DNAH7: variants seen among roughly 807,000 people sequenced by gnomAD.
DNAH7 encodes the protein dynein axonemal heavy chain 7.
In DNAH7, 397 loss-of-function variants were observed where a neutral mutation model predicts 444.6. The observed-to-expected ratio is 0.89, with a 90% confidence interval of 0.82 to 0.97. The LOEUF is 0.97. DNAH7 is among the 50% of genes least tolerant of loss of function. The pLI is 0.00. For missense variants in DNAH7, 4,902 were observed against 4,800.8 expected (o/e 1.02, Z -0.62); for synonymous variants, 1,636 against 1,624.4 (o/e 1.01, Z -0.17).
chr2:196,011,044 C>T (rs975367189), intron 10 of DNAH7, among the ~76,000 whole-genome samples: 8 of 151,958 alleles, frequency 5.3e-5, no homozygotes, highest in African/African-American at 1.2e-4. Flanking sequence ...TTGGTTAATA[C>T]GCACAAAAAT....
At chr2:195,754,601 G>C (rs1693980714) in intron 62 of DNAH7, 87 bp from the exon 63 acceptor site, 12 of 1,389,958 alleles carry the variant, frequency 8.6e-6, no homozygotes, top group Non-Finnish European at 1.2e-5. Flanking sequence ...GGTTGCCCAG[G>C]CAGGGCTCAG....
At chr2:195,894,811 C>A in intron 30 of DNAH7, 165 bp downstream of exon 30, 1 of 626,692 alleles carries the variant, frequency 1.6e-6, no homozygotes, top group Non-Finnish European at 2.4e-6. Flanking sequence ...ATATGCTGAA[C>A]TTCCTATTTG....
chr2:195,997,598 A>T (rs1216516921), intron 12 of DNAH7, among the ~76,000 whole-genome samples: 1 of 152,198 alleles, frequency 6.6e-6, no homozygotes, highest in Non-Finnish European at 1.5e-5. Flanking sequence ...GATGTTCTAA[A>T]GCATATCACA....
intron 5 of DNAH7, among the ~76,000 whole-genome samples, chr2:196,035,596 C>G (rs1464392939): frequency 6.6e-6 from 1 of 152,154 alleles, no homozygotes; most frequent in African/African-American, 2.4e-5. Flanking sequence ...TACATAAACA[C>G]ACATCAAGTA....
At chr2:195,892,258 T>C (rs938766125) in intron 30 of DNAH7, among the ~76,000 whole-genome samples, 1 of 152,160 alleles carries the variant, frequency 6.6e-6, no homozygotes, top group Non-Finnish European at 1.5e-5. Flanking sequence ...TTATTGGCAT[T>C]ACGAAAAAAG....
intron 48 of DNAH7, among the ~76,000 whole-genome samples, chr2:195,829,999 A>G (rs980671218): frequency 1.3e-5 from 2 of 152,108 alleles, no homozygotes; most frequent in African/African-American, 4.8e-5. Flanking sequence ...AAAAATGTAT[A>G]GGTACATGAA....
chr2:195,904,773 C>T (rs976895174), intron 27 of DNAH7: 1 of 152,078 alleles, frequency 6.6e-6, no homozygotes, highest in South Asian at 2.1e-4. Context: ...AAATGGAAAC[C>T]CTGGGCTTGG....
chr2:195,968,080 T>C (rs966578507), intron 17 of DNAH7, among the ~76,000 whole-genome samples: 11 of 152,194 alleles, frequency 7.2e-5, no homozygotes, highest in African/African-American at 2.7e-4. Flanking sequence ...GTGAATACTG[T>C]CAGGCCTGGG....
At chr2:195,880,330 CTT>C (rs1042876508) in intron 36 of DNAH7, among the ~76,000 whole-genome samples, 6 of 136,616 alleles carry the variant, frequency 4.4e-5, no homozygotes, top group Non-Finnish European at 3.2e-5. Flanking sequence ...CTTTCTTTTT[CTT>C]TTTTTTTTTT....
chr2:195,804,989 CAAAA>C (rs1042699461), intron 54 of DNAH7, among the ~76,000 whole-genome samples: 1 of 152,050 alleles, frequency 6.6e-6, no homozygotes, highest in Non-Finnish European at 1.5e-5. Context: ...TAAAAACAAA[CAAAA>C]AACATACAAA....
chr2:195,892,329 C>T (rs1207027964), intron 30 of DNAH7: 1 of 152,090 alleles, frequency 6.6e-6, no homozygotes, highest in Non-Finnish European at 1.5e-5. Context: ...AAAACAACCT[C>T]TGAGAGAAAA....
chr2:195,971,722 A>G (rs1257594814), intron 16 of DNAH7, among the ~76,000 whole-genome samples: 2 of 152,088 alleles, frequency 1.3e-5, no homozygotes, highest in African/African-American at 2.4e-5. Flanking sequence ...ATGAGGCTGG[A>G]CAGTGAAATG....
rs1691037349 is a variant in DNAH7 at position 195,960,743 on chromosome 2, T to C, written c.2408A>G (p.Tyr803Cys). Residue 803 changes from tyrosine to cysteine, a missense_variant, in exon 18 of 65, where the codon TAC becomes TGC. Coordinates refer to ENST00000312428, the MANE Select transcript of DNAH7 (RefSeq NM_018897.3). ...CTCCAGTTTATATAATCCTCTCCAG[T>C]AATTTCCAATATCTGCTTCTACTTG... The part of the protein sequence containing the change: ...PDQVEADIGN[Y>C]WRGLYKLEKT... 1 of 1,614,072 alleles carries C rather than the reference T, an allele frequency of 6.2e-7. No homozygotes were observed. Among genetic ancestry groups the C allele is most frequent in the African/African-American group, 1.3e-5 (1 of 74,936 alleles).
intron 54 of DNAH7, among the ~76,000 whole-genome samples, chr2:195,804,892 T>C (rs747342947): frequency 2.0e-4 from 30 of 152,216 alleles, no homozygotes; most frequent in Admixed American, 3.9e-4. Flanking sequence ...TTAAAATATA[T>C]ATGAAGATGA....
At chr2:195,787,385 A>G (rs1695673160) in intron 57 of DNAH7, among the ~76,000 whole-genome samples, 1 of 152,170 alleles carries the variant, frequency 6.6e-6, no homozygotes, top group African/African-American at 2.4e-5. Flanking sequence ...CTATGCACAC[A>G]TAGCTGTGTA....
At chr2:195,937,579 T>C (rs983130995) in intron 19 of DNAH7, among the ~76,000 whole-genome samples, 2 of 152,156 alleles carry the variant, frequency 1.3e-5, no homozygotes, top group African/African-American at 2.4e-5. Context: ...AAAAAGTAAA[T>C]AGAGTTTATT....
intron 57 of DNAH7, among the ~76,000 whole-genome samples, chr2:195,792,709 T>C (rs1377081529): frequency 1.3e-5 from 2 of 152,066 alleles, no homozygotes; most frequent in Non-Finnish European, 2.9e-5. Context: ...ATATCCCTAT[T>C]CTTACAAAAT....
intron 36 of DNAH7, among the ~76,000 whole-genome samples, chr2:195,878,419 C>A (rs1203474754): frequency 6.6e-6 from 1 of 151,912 alleles, no homozygotes; most frequent in Non-Finnish European, 1.5e-5. Context: ...TCAGCCTCGG[C>A]CACATAGCAA....
chr2:195,776,004 A>AAG, intron 59 of DNAH7, 21 bp from the exon 60 acceptor site: 1 of 1,611,034 alleles, frequency 6.2e-7, no homozygotes, highest in Non-Finnish European at 8.5e-7. Flanking sequence ...GAATAACAAG[A>AAG]AGTCAGGAGG....
Sources: allele counts gnomAD v4.1 joint callset (sites outside exome capture counted in the v4.1 genomes callset), GRCh38; gene constraint gnomAD v4.1.1; transcripts MANE v1.5; gene names NCBI Gene and HGNC (gene_info 2026-07-23, HGNC 2026-07-21).